The following ST6GALNAC5 variants were observed in gnomAD, a reference collection of about 807,000 sequenced individuals.
ST6GALNAC5 encodes alpha-N-acetylgalactosaminide alpha-2,6-sialyltransferase 5.
In ST6GALNAC5, 27 loss-of-function variants were observed where a neutral mutation model predicts 33.6. The ratio of observed to expected loss-of-function variants is 0.80; its 90% CI spans 0.59 to 1.11. The LOEUF (loss-of-function observed/expected upper bound fraction) is 1.11. ST6GALNAC5 is among the 50% of genes least tolerant of loss of function. The probability of loss-of-function intolerance (pLI) is 0.00; values close to 1 mark genes in which losing one functional copy is unlikely to be tolerated. For missense variants in ST6GALNAC5, 428 were observed against 454.0 expected (o/e 0.94, Z 0.52); for synonymous variants, 194 against 171.2 (o/e 1.13, Z -1.04).
At chr1:77,044,736 T>C (rs781061431) in intron 3 of ST6GALNAC5, 123 bp downstream of exon 3, 12 of 1,224,288 alleles carry the variant, frequency 9.8e-6, no homozygotes, top group Non-Finnish European at 1.2e-5. Flanking sequence ...ATGTCATTGC[T>C]AGAGTTCACT....
intron 2 of ST6GALNAC5, among the ~76,000 whole-genome samples, chr1:76,955,277 T>C (rs1647911614): frequency 6.6e-6 from 1 of 152,124 alleles, no homozygotes; most frequent in Admixed American, 6.6e-5. Flanking sequence ...ACCACTGTCA[T>C]CTATGTTGCA....
At chr1:76,883,113 C>T (rs1163520172) in intron 2 of ST6GALNAC5, among the ~76,000 whole-genome samples, 3 of 152,152 alleles carry the variant, frequency 2.0e-5, no homozygotes, top group Non-Finnish European at 2.9e-5. Flanking sequence ...GAGTAGCTAC[C>T]GTGTGGTAGG....
At chr1:76,974,299 G>T (rs889357132) in intron 2 of ST6GALNAC5, among the ~76,000 whole-genome samples, 3 of 124,232 alleles carry the variant, frequency 2.4e-5, no homozygotes, top group African/African-American at 7.6e-5. Flanking sequence ...CAAACTCCTG[G>T]GCTCAAAGTG....
rs1181688725 is a variant in ST6GALNAC5, at chr1:77,050,266, C to T, written c.680C>T (p.Ser227Phe). The T allele has an allele frequency of 6.2e-7, 1 of 1,613,704 alleles. No homozygotes were observed. Among genetic ancestry groups the T allele is most frequent in the African/African-American group, 1.3e-5 (1 of 74,908 alleles). The change falls in exon 4 of 5, where the codon TCC becomes TTC. Residue 227 changes from serine to phenylalanine, a missense_variant. Transcript: ENST00000477717. Reference sequence around the variant, plus strand: ...ATTATTGTTCCTTCCAGGAAGATATCCAACACTTGGCTCAGCACTGGCTGG... The same window carrying T: ...ATTATTGTTCCTTCCAGGAAGATATTCAACACTTGGCTCAGCACTGGCTGG... ...KQETGKDRKI[S>F]NTWLSTGWFT...
intron 2 of ST6GALNAC5, among the ~76,000 whole-genome samples, chr1:76,965,175 A>G (rs930967161): frequency 2.0e-5 from 3 of 151,716 alleles, no homozygotes; most frequent in African/African-American, 7.3e-5. Context: ...TCCTTGAGGA[A>G]TTGCCACACT....
intron 4 of ST6GALNAC5, among the ~76,000 whole-genome samples, chr1:77,057,602 A>G (rs946961985): frequency 2.0e-5 from 3 of 152,166 alleles, no homozygotes; most frequent in African/African-American, 7.2e-5. Flanking sequence ...CTTGTCTTTG[A>G]AGATAAGGAT....
At chr1:77,020,226 A>G (rs2100435307) in intron 2 of ST6GALNAC5, among the ~76,000 whole-genome samples, 1 of 152,268 alleles carries the variant, frequency 6.6e-6, no homozygotes, top group South Asian at 2.1e-4. Context: ...TTCTTGTGTA[A>G]TTGACATTTT....
At chr1:77,057,711 G>A (rs994006684) in intron 4 of ST6GALNAC5, among the ~76,000 whole-genome samples, 1 of 152,142 alleles carries the variant, frequency 6.6e-6, no homozygotes, top group African/African-American at 2.4e-5. Context: ...TGCATCAGAG[G>A]AGAACAGTGA....
chr1:76,930,676 C>T (rs1487553582), intron 2 of ST6GALNAC5, among the ~76,000 whole-genome samples: 1 of 151,950 alleles, frequency 6.6e-6, no homozygotes, highest in African/African-American at 2.4e-5. Context: ...TATGTAGGTA[C>T]CTTGAAATAA....
At position 77,052,087 on chromosome 1, in the gene ST6GALNAC5, T is replaced by C. The variant is rs1239521815; in HGVS notation, c.779+1722T>C. 3.5e-4 allele frequency among the ~76,000 whole-genome samples: 53 copies of C among 152,218 alleles called. 1 individual carries two copies. The highest frequency in any genetic ancestry group is 7.3e-5 in the Non-Finnish European group (5 of 68,038). On this transcript the variant is annotated intron_variant, in intron 4 of 4. Transcript: ENST00000477717. Reference sequence around the variant, plus strand: ...ATTAAGATAATGTCAATGCATTACATATTGCCACTGGCTCTGAGTTTCTCT... The same window carrying C: ...ATTAAGATAATGTCAATGCATTACACATTGCCACTGGCTCTGAGTTTCTCT...
chr1:76,999,694 T>C (rs1650070028), intron 2 of ST6GALNAC5, among the ~76,000 whole-genome samples: 1 of 141,718 alleles, frequency 7.1e-6, no homozygotes, highest in Non-Finnish European at 1.5e-5. Context: ...CCTGTGTCCA[T>C]GTGATCTCAT....
At chr1:76,923,809 C>T (rs888097352) in intron 2 of ST6GALNAC5, among the ~76,000 whole-genome samples, 4 of 152,098 alleles carry the variant, frequency 2.6e-5, no homozygotes, top group African/African-American at 9.7e-5. Flanking sequence ...TTTGGAAAAG[C>T]CTGATCTCAA....
At chr1:76,900,730 C>T (rs1646809744) in intron 2 of ST6GALNAC5, among the ~76,000 whole-genome samples, 2 of 152,112 alleles carry the variant, frequency 1.3e-5, no homozygotes, top group Admixed American at 6.5e-5. Flanking sequence ...TTACATGTTG[C>T]AAAGAAGAAT....
chr1:77,047,419 T>C (rs184926721), intron 3 of ST6GALNAC5, among the ~76,000 whole-genome samples: 4 of 152,364 alleles, frequency 2.6e-5, no homozygotes, highest in East Asian at 1.9e-4. Flanking sequence ...ATATGATACA[T>C]AAAGTACAGA....
At position 76,867,558 on chromosome 1, in the gene ST6GALNAC5, C is replaced by T. The variant is rs912833693; in HGVS notation, c.-118C>T. On this transcript the variant is annotated 5_prime_UTR_variant, in exon 1 of 5. Transcript: ENST00000477717. ...GCTCCCGCGCGCGATCTGCCGCGGC[C>T]GGCTGCTGGGCAAAAATCAGAGCCG... 2 of 1,552,058 alleles carry T rather than the reference C, an allele frequency of 1.3e-6. No homozygotes were observed. The highest frequency in any genetic ancestry group is 1.7e-5 in the Admixed American group (1 of 59,586).
chr1:76,914,912 A>G (rs1456388512), intron 2 of ST6GALNAC5, among the ~76,000 whole-genome samples: 1 of 151,914 alleles, frequency 6.6e-6, no homozygotes, highest in African/African-American at 2.4e-5. Flanking sequence ...GCAACCTACA[A>G]AATGGGAGAA....
chr1:76,924,073 G>A (rs1647060989), intron 2 of ST6GALNAC5, among the ~76,000 whole-genome samples: 1 of 152,142 alleles, frequency 6.6e-6, no homozygotes, highest in Non-Finnish European at 1.5e-5. Flanking sequence ...GTCTTAATCT[G>A]TGAGTGTGTG....
chr1:76,997,067 G>A (rs1023616995), intron 2 of ST6GALNAC5, among the ~76,000 whole-genome samples: 1 of 152,134 alleles, frequency 6.6e-6, no homozygotes. Context: ...CAATATGCTG[G>A]GTAAAGCAAA....
At chr1:76,968,657 T>G (rs1170250117) in intron 2 of ST6GALNAC5, among the ~76,000 whole-genome samples, 1 of 152,220 alleles carries the variant, frequency 6.6e-6, no homozygotes, top group Admixed American at 6.5e-5. Flanking sequence ...CATTAGTTGA[T>G]GCAGTTTCTT....
Sources: gnomAD v4.1 joint callset for allele counts (sites outside exome capture counted in the v4.1 genomes callset) on GRCh38, gnomAD v4.1.1 for gene constraint, MANE v1.5 for transcripts, NCBI Gene and HGNC (gene_info 2026-07-23, HGNC 2026-07-21) for gene names.